Variants in PDXDC1 observed in about 807,000 individuals in gnomAD.
PDXDC1 encodes the protein pyridoxal dependent decarboxylase domain containing 1, also known as pyridoxal-dependent decarboxylase domain-containing protein 1.
PDXDC1 carries 42 observed loss-of-function variants against 100.1 expected under a neutral mutation model. That is an observed-to-expected ratio of 0.42 (90% CI 0.33 to 0.54). The LOEUF is 0.54. PDXDC1 is among the 20% of genes least tolerant of loss of function. The pLI is 0.10. For missense variants in PDXDC1, 636 were observed against 979.2 expected, an observed-to-expected ratio of 0.65 and a Z score of 4.68; for synonymous variants, 260 against 371.7, an observed-to-expected ratio of 0.70 and a Z score of 3.46.
chr16:15,032,093 C>A (rs531069993), intron 17 of PDXDC1, 187 bp downstream of exon 17: 6 of 595,760 alleles, frequency 1.0e-5, no homozygotes, highest in Non-Finnish European at 1.5e-5. Flanking sequence ...GCCAGCGTGG[C>A]GCTCAGGGAG....
chr16:15,027,844 A>G (rs1597627650), intron 14 of PDXDC1, among the ~76,000 whole-genome samples: 2 of 152,414 alleles, frequency 1.3e-5, no homozygotes, highest in Admixed American at 1.3e-4. Context: ...GTGGTGGGCC[A>G]GCGTGGTCTT....
At chr16:15,032,274 A>C in intron 17 of PDXDC1, 1 of 232,530 alleles carries the variant, frequency 4.3e-6, no homozygotes. Flanking sequence ...GTGCAGTCCT[A>C]TGGCTGCTTT....
chr16:14,997,957 G>T (rs1972359671), intron 2 of PDXDC1, 131 bp downstream of exon 2: 5 of 975,620 alleles, frequency 5.1e-6, no homozygotes, highest in Middle Eastern at 2.2e-4. Flanking sequence ...CTTGAAAATT[G>T]GTATTTGTCT....
chr16:15,048,711 CCT>C (rs1375445937), intron 16 of PDXDC1, among the ~76,000 whole-genome samples: 9 of 152,192 alleles, frequency 5.9e-5, no homozygotes, highest in Admixed American at 2.0e-4. Context: ...GCAGCCTCCA[CCT>C]CCCAGGCTCA....
chr16:14,981,140 G>A (rs1388081663), intron 1 of PDXDC1, among the ~76,000 whole-genome samples: 2 of 152,298 alleles, frequency 1.3e-5, no homozygotes, highest in East Asian at 3.8e-4. Flanking sequence ...AGATTCTTTA[G>A]GCAGAATATT....
chr16:15,042,185 C>CT (rs34790085), downstream of PDXDC1, among the ~76,000 whole-genome samples: 488 of 135,574 alleles, frequency 3.6e-3, 4 homozygotes, highest in East Asian at 0.02. Context: ...AATTTTATAT[C>CT]TTTTTTTTTT....
intron 16 of PDXDC1, among the ~76,000 whole-genome samples, chr16:15,100,450 A>C (rs1311217690): frequency 1.3e-5 from 2 of 152,202 alleles, no homozygotes; most frequent in Non-Finnish European, 2.9e-5. Context: ...TCTCAGAGAA[A>C]TACAAAGCAG....
chr16:15,035,385 C>G, intron 21 of PDXDC1, 64 bp from the exon 22 acceptor site: 1 of 810,194 alleles, frequency 1.2e-6, no homozygotes, highest in Non-Finnish European at 1.9e-6. Context: ...TGTGTGAGGG[C>G]AGGTGGTGTC....
chr16:14,994,022 G>A (rs1567632449), intron 1 of PDXDC1, among the ~76,000 whole-genome samples: 2 of 152,298 alleles, frequency 1.3e-5, no homozygotes, highest in South Asian at 4.1e-4. Flanking sequence ...TGAGTTCATT[G>A]TAGATTCTGG....
intron 16 of PDXDC1, among the ~76,000 whole-genome samples, chr16:15,068,678 T>C (rs560470635): frequency 2.0e-5 from 3 of 152,354 alleles, no homozygotes; most frequent in Non-Finnish European, 4.4e-5. Context: ...TTGCATGTCT[T>C]GTTAGTGAAG....
chr16:15,086,100 A>G lies in PDXDC1; in HGVS notation c.1400-52779A>G, dbSNP rs190175288. 2.7e-4 allele frequency: 432 copies of G among 1,595,910 alleles called. 1 individual carries two copies. In the East Asian group the frequency reaches 8.2e-3, roughly 30 times the overall value. Reference sequence around the variant, plus strand: ...GTATTTTAATAAAGAAGTATTAAAAAGAAAATAAAATTCCAAGCAATGACT... The same window carrying G: ...GTATTTTAATAAAGAAGTATTAAAAGGAAAATAAAATTCCAAGCAATGACT... On this transcript the variant is annotated intron_variant, in intron 16 of 16. Coordinates refer to the PDXDC1 transcript ENST00000535621.
At chr16:15,083,716 G>C (rs2045797428) in intron 16 of PDXDC1, 2 of 1,330,490 alleles carry the variant, frequency 1.5e-6, no homozygotes, top group Non-Finnish European at 2.0e-6. Flanking sequence ...CAAAGAACTG[G>C]AACTTTTTTT....
chr16:14,990,804 A>C lies in PDXDC1; in HGVS notation c.22-6949A>C, dbSNP rs147884364. Among the ~76,000 whole-genome samples the C allele has an allele frequency of 4.0e-4, 61 of 152,378 alleles. 1 individual carries two copies. The South Asian group carries it at 0.011, about 28-fold the overall frequency. The stretch of plus-strand genomic sequence containing the variant: ...CGCCAAGGCTGAAGTGCAGTGTCGC[A>C]ATTTCAGCTCGCTGCAGCCTCCGCC... On this transcript the variant is annotated intron_variant, in intron 1 of 22. Coordinates refer to ENST00000396410, the MANE Select transcript of PDXDC1 (RefSeq NM_015027.4).
downstream of PDXDC1, chr16:15,139,480 TAAAGAA>T (rs1443746243): frequency 4.0e-5 from 5 of 125,814 alleles, no homozygotes; most frequent in Non-Finnish European, 6.6e-5. Context: ...ACACAGCTAA[TAAAGAA>T]AAAGTCAACT....
At chr16:14,997,198 T>C (rs1286934683) in intron 1 of PDXDC1, among the ~76,000 whole-genome samples, 1 of 152,236 alleles carries the variant, frequency 6.6e-6, no homozygotes, top group East Asian at 1.9e-4. Context: ...TTTTGTTTAC[T>C]TTTTGGATGG....
chr16:14,997,215 G>A (rs1306244651), intron 1 of PDXDC1, among the ~76,000 whole-genome samples: 1 of 152,220 alleles, frequency 6.6e-6, no homozygotes, highest in African/African-American at 2.4e-5. Context: ...ATGGGAGATA[G>A]GTGTACACAT....
At chr16:14,987,612 C>T (rs1969677581) in intron 1 of PDXDC1, among the ~76,000 whole-genome samples, 1 of 152,278 alleles carries the variant, frequency 6.6e-6, no homozygotes, top group South Asian at 2.1e-4. Flanking sequence ...TACTGTTTTT[C>T]CTTTGTTTTT....
intron 16 of PDXDC1, among the ~76,000 whole-genome samples, chr16:15,050,071 ATTG>A (rs1465000208): frequency 6.6e-6 from 1 of 152,214 alleles, no homozygotes. Flanking sequence ...TCACATAGTT[ATTG>A]TTAGAATACA....
chr16:15,076,498 C>T (rs1597931341), intron 16 of PDXDC1: 1 of 1,111,628 alleles, frequency 9.0e-7, no homozygotes, highest in Non-Finnish European at 1.4e-6. Flanking sequence ...ATGAGCAGCA[C>T]TAGCTGTTTC....
Sources: gnomAD v4.1 joint callset for allele counts (sites outside exome capture counted in the v4.1 genomes callset) on GRCh38, gnomAD v4.1.1 for gene constraint, MANE v1.5 for transcripts, NCBI Gene and HGNC (gene_info 2026-07-23, HGNC 2026-07-21) for gene names.